The following KCNK2 variants were observed in gnomAD, a reference collection of about 807,000 sequenced individuals.
KCNK2 encodes the protein potassium channel subfamily K member 2.
A neutral mutation model predicts 40.5 loss-of-function variants in KCNK2; 21 were observed. That is an observed-to-expected ratio of 0.52 (90% CI 0.37 to 0.75). The LOEUF is 0.75. Among genes scored for constraint, KCNK2 ranks in the 30% least tolerant of loss-of-function variants. The probability of loss-of-function intolerance (pLI) is 0.00; values close to 1 mark genes in which losing one functional copy is unlikely to be tolerated. For synonymous variants in KCNK2, 191 were observed against 202.2 expected (o/e 0.94, Z 0.47); for missense variants, 399 against 531.6 (o/e 0.75, Z 2.45).
chr1:215,087,626 C>G (rs778486058), intron 2 of KCNK2, among the ~76,000 whole-genome samples: 12 of 152,176 alleles, frequency 7.9e-5, no homozygotes, highest in Non-Finnish European at 1.6e-4. Context: ...CTATAGAGCC[C>G]ACTTTTCTTA....
At chr1:215,174,814 T>C (rs1245923850) in intron 5 of KCNK2, among the ~76,000 whole-genome samples, 2 of 152,188 alleles carry the variant, frequency 1.3e-5, no homozygotes, top group African/African-American at 2.4e-5. Context: ...TGCACATTGA[T>C]TTTGTATCCT....
intron 3 of KCNK2, among the ~76,000 whole-genome samples, chr1:215,155,379 A>G (rs1031370175): frequency 1.3e-5 from 2 of 152,158 alleles, no homozygotes; most frequent in Non-Finnish European, 2.9e-5. Context: ...CCTTTTAAAT[A>G]TTTATTGACT....
At chr1:215,039,595 G>A (rs1451005299) in intron 1 of KCNK2, among the ~76,000 whole-genome samples, 2 of 152,056 alleles carry the variant, frequency 1.3e-5, no homozygotes, top group African/African-American at 4.8e-5. Context: ...AACTTAGAGA[G>A]GAGGCAGAGA....
chr1:215,218,827 G>A (rs142760383), intron 6 of KCNK2, among the ~76,000 whole-genome samples: 50 of 152,300 alleles, frequency 3.3e-4, no homozygotes, highest in African/African-American at 1.0e-3. Context: ...TTGCAAAGAT[G>A]TACTACTGTT....
chr1:215,209,824 T>TATATATAAAATATATATC, intron 6 of KCNK2, among the ~76,000 whole-genome samples: 1 of 77,726 alleles, frequency 1.3e-5, no homozygotes, highest in South Asian at 3.2e-4. Context: ...AAATATATAT[T>TATATATAAAATATATATC]ATATATAAAA....
chr1:215,190,629 C>T (rs749451052), intron 5 of KCNK2, among the ~76,000 whole-genome samples: 23 of 152,132 alleles, frequency 1.5e-4, no homozygotes, highest in Non-Finnish European at 3.1e-4. Context: ...CCCATACAAA[C>T]TGGTCTTTCA....
At chr1:215,025,319 T>C (rs762054466) in intron 1 of KCNK2, among the ~76,000 whole-genome samples, 7 of 152,086 alleles carry the variant, frequency 4.6e-5, no homozygotes, top group Admixed American at 1.3e-4. Flanking sequence ...AAAATATGCA[T>C]ACATATGGAC....
intron 2 of KCNK2, among the ~76,000 whole-genome samples, chr1:215,103,811 A>G (rs973987265): frequency 3.9e-5 from 6 of 152,094 alleles, no homozygotes; most frequent in East Asian, 3.9e-4. Context: ...TCGCAATCAT[A>G]TTATTTCCTG....
rs1553277289 is a variant in KCNK2, at chr1:215,236,085, T to TATCTATC, written c.*941_*947dup. ...CTATCTATCTATCTATCTATCTATC[T>TATCTATC]ATCTATCTATCTAAATGACCTGACA... On this transcript the variant is annotated 3_prime_UTR_variant, in exon 7 of 7. Coordinates refer to ENST00000444842, the MANE Select transcript of KCNK2 (RefSeq NM_001017425.3). The TATCTATC allele has an allele frequency of 2.5e-3, 385 of 152,078 alleles. 3 individuals carry two copies. The highest frequency in any genetic ancestry group is 8.9e-3 in the African/African-American group (367 of 41,156). The allele number at this position is 152,078 out of a possible 1,614,324, so 9.4% of individuals were successfully genotyped here.
intron 2 of KCNK2, among the ~76,000 whole-genome samples, chr1:215,110,038 A>G (rs1002762789): frequency 2.0e-5 from 3 of 151,882 alleles, no homozygotes; most frequent in African/African-American, 7.2e-5. Context: ...ATGTCTATTT[A>G]TGTCTTTTGC....
At chr1:215,222,136 A>G (rs901688096) in intron 6 of KCNK2, among the ~76,000 whole-genome samples, 1 of 151,994 alleles carries the variant, frequency 6.6e-6, no homozygotes, top group Non-Finnish European at 1.5e-5. Flanking sequence ...TGAGGGATCC[A>G]CCCCCATGAC....
chr1:215,212,121 C>A (rs575150537), intron 6 of KCNK2, among the ~76,000 whole-genome samples: 2 of 152,130 alleles, frequency 1.3e-5, no homozygotes, highest in Admixed American at 6.5e-5. Context: ...AAACAAGAAG[C>A]TAGTTCAAAA....
intron 6 of KCNK2, among the ~76,000 whole-genome samples, chr1:215,201,927 A>G (rs1285550790): frequency 6.6e-6 from 1 of 151,990 alleles, no homozygotes; most frequent in Admixed American, 6.6e-5. Flanking sequence ...TTCAGACTAT[A>G]TATCAGACTT....
At chr1:215,069,412 C>T (rs1450775303) in intron 1 of KCNK2, among the ~76,000 whole-genome samples, 1 of 152,168 alleles carries the variant, frequency 6.6e-6, no homozygotes, top group East Asian at 1.9e-4. Context: ...TCCTGAATTG[C>T]AATTGCTCAT....
At chr1:215,228,408 G>A (rs550458537) in intron 6 of KCNK2, among the ~76,000 whole-genome samples, 114 of 152,290 alleles carry the variant, frequency 7.5e-4, no homozygotes, top group African/African-American at 2.6e-3. Context: ...TTCCAGTAGA[G>A]TCGGAGAACA....
intron 5 of KCNK2, among the ~76,000 whole-genome samples, chr1:215,175,329 G>A (rs959827568): frequency 6.6e-6 from 1 of 152,092 alleles, no homozygotes; most frequent in African/African-American, 2.4e-5. Flanking sequence ...CTGTGACACT[G>A]AAGGTATACA....
chr1:215,156,468 GC>G (rs1571675575), intron 3 of KCNK2, among the ~76,000 whole-genome samples: 1 of 152,198 alleles, frequency 6.6e-6, no homozygotes, highest in East Asian at 1.9e-4. Context: ...GGCACAGACT[GC>G]CTGCAGTCCC....
chr1:215,061,565 G>C (rs974455509), intron 1 of KCNK2, among the ~76,000 whole-genome samples: 1 of 152,024 alleles, frequency 6.6e-6, no homozygotes. Context: ...TGGGATTTTT[G>C]TGATTCAAAA....
At chr1:215,176,247 G>A (rs1558125908) in intron 5 of KCNK2, among the ~76,000 whole-genome samples, 2 of 152,084 alleles carry the variant, frequency 1.3e-5, no homozygotes, top group African/African-American at 4.8e-5. Context: ...GATGATTAGT[G>A]ATGTGGGGCA....
Sources: gnomAD v4.1 joint callset for allele counts (sites outside exome capture counted in the v4.1 genomes callset) on GRCh38, gnomAD v4.1.1 for gene constraint, MANE v1.5 for transcripts, NCBI Gene and HGNC (gene_info 2026-07-23, HGNC 2026-07-21) for gene names.